Variants in UPF2 observed in about 807,000 individuals in gnomAD.
UPF2 encodes the protein UPF2 regulator of nonsense mediated mRNA decay.
In UPF2, 17 loss-of-function variants were observed where a neutral mutation model predicts 141.4. That is an observed-to-expected ratio of 0.12 (90% CI 0.08 to 0.18). The LOEUF (loss-of-function observed/expected upper bound fraction) is 0.18. UPF2 is among the 10% of genes least tolerant of loss of function. The pLI is 1.00. For missense variants in UPF2, 1,152 were observed against 1,515.9 expected, an observed-to-expected ratio of 0.76 and a Z score of 3.99; for synonymous variants, 540 against 498.0, an observed-to-expected ratio of 1.08 and a Z score of -1.12.
chr10:11,950,946 T>C (rs914003654), intron 15 of UPF2, among the ~76,000 whole-genome samples: 1 of 152,238 alleles, frequency 6.6e-6, no homozygotes, highest in Non-Finnish European at 1.5e-5. Context: ...CGTAAATTTA[T>C]ATAATTTGCA....
Position 11,971,340 on chromosome 10 carries a change from C to T in UPF2, c.1954-3886G>A, listed in dbSNP as rs191105253. 1.6e-3 allele frequency among the ~76,000 whole-genome samples: 240 copies of T among 151,958 alleles called. 1 individual carries two copies. The highest frequency in any genetic ancestry group is 5.3e-3 in the African/African-American group (219 of 41,460). On this transcript the variant is annotated intron_variant, in intron 9 of 21. Transcript: ENST00000357604. ...CGCAATCTCGGCTCACCGCAACCTC[C>T]GCCTCCCGGGTTCAAGTGATTCTCC...
rs1588537597 is a variant in UPF2 at position 11,959,690 on chromosome 10, G to A, written c.2185-334C>T. Among the ~76,000 whole-genome samples the A allele has an allele frequency of 6.6e-6, 1 of 152,086 alleles. No homozygotes were observed. Among genetic ancestry groups the A allele is most frequent in the African/African-American group, 2.4e-5 (1 of 41,414 alleles). On this transcript the variant is annotated intron_variant, in intron 11 of 21. Transcript: ENST00000357604. The surrounding 1 kb of genome is among the most constrained non-coding windows in gnomAD (Gnocchi z 5.9). ...TGGGTGGACAGCTTGAGCCCAGGAGGTGGAGGCTGCAGTAAGCCATGACTG... is the reference window on the plus strand; with the variant it reads ...TGGGTGGACAGCTTGAGCCCAGGAGATGGAGGCTGCAGTAAGCCATGACTG...
At chr10:12,042,962 GA>G, upstream of UPF2, 1 of 152,294 alleles carries the variant, frequency 6.6e-6, no homozygotes, top group Non-Finnish European at 1.5e-5. The surrounding 1 kb of genome is among the most constrained non-coding windows in gnomAD (Gnocchi z 5.5). Flanking sequence ...AGGCGAGAGG[GA>G]AAAGGCCATC....
chr10:12,035,130 T>G lies in UPF2; in HGVS notation c.294A>C (p.Gln98His). The G allele has an allele frequency of 6.3e-7, 1 of 1,599,300 alleles. No individual in the cohort carries two copies. Among genetic ancestry groups the G allele is most frequent in the South Asian group, 1.2e-5 (1 of 86,750 alleles). ...CTTCTTGCTTCTTTCTCTCTTCCTC[T>G]TGATGTTTCTTTTTTTCTTCCTCTT... Reference protein sequence around the residue: ...KKEEEEKKKHQEEERKKQEEQ... With the variant: ...KKEEEEKKKHHEEERKKQEEQ... Residue 98 changes from glutamine (Q) to histidine (H), a missense_variant, in exon 2 of 22, where the codon CAA becomes CAC. By Grantham distance (24) the Gln-to-His change is conservative (BLOSUM62 0). This residue lies in a region of UPF2 where 145 missense variants were observed against 136.5 expected (regional missense o/e 1.06). Transcript: ENST00000357604.
chr10:12,012,035 G>GT (rs1041649471), intron 4 of UPF2, among the ~76,000 whole-genome samples: 11 of 151,762 alleles, frequency 7.2e-5, no homozygotes, highest in African/African-American at 2.7e-4. Context: ...AGAGAAAAGG[G>GT]GTAAAGAAAC....
At chr10:11,957,657 C>T (rs1833174839) in intron 12 of UPF2, among the ~76,000 whole-genome samples, 3 of 151,974 alleles carry the variant, frequency 2.0e-5, no homozygotes, top group Admixed American at 1.3e-4. Context: ...GCTGGGATTA[C>T]AGGCATGCGC....
At chr10:12,022,827 C>G (rs970610949) in intron 3 of UPF2, among the ~76,000 whole-genome samples, 30 of 152,116 alleles carry the variant, frequency 2.0e-4, no homozygotes, top group Admixed American at 5.2e-4. Context: ...AATAATGCCT[C>G]AAGAATTAGC....
upstream of UPF2, chr10:12,043,036 G>A (rs945952718): frequency 6.6e-6 from 1 of 152,362 alleles, no homozygotes; most frequent in Non-Finnish European, 1.5e-5. Flanking sequence ...GATGCCCTCA[G>A]CTTGACTCTG....
chr10:12,003,782 A>G (rs1359963982), intron 5 of UPF2, among the ~76,000 whole-genome samples: 1 of 151,934 alleles, frequency 6.6e-6, no homozygotes, highest in African/African-American at 2.4e-5. Context: ...AAAATTAGCC[A>G]GGCATGGCAG....
Position 11,997,704 on chromosome 10 carries a change from C to T in UPF2, c.1812G>A (p.Leu604=). ...TAGGAACTATGAAGAGTGCCCGTAC[C>T]AACTTCTTCCTGTTTGCTTTTGTGT... ...NMNTKANRKK[L]VRALFIVPRQ... Residue 604 remains leucine, a synonymous_variant, in exon 8 of 22, where the codon TTG becomes TTA. Transcript: ENST00000357604. The T allele has an allele frequency of 1.9e-6, 3 of 1,613,790 alleles. No homozygotes were observed. Among genetic ancestry groups the T allele is most frequent in the Non-Finnish European group, 2.5e-6 (3 of 1,179,862 alleles).
At chr10:11,946,270 A>G (rs977733759) in intron 16 of UPF2, among the ~76,000 whole-genome samples, 1 of 152,228 alleles carries the variant, frequency 6.6e-6, no homozygotes, top group East Asian at 1.9e-4. Context: ...CTTTAGGGCT[A>G]AAGGAAACAC....
chr10:11,946,939 C>T (rs998964659), intron 16 of UPF2, among the ~76,000 whole-genome samples: 5 of 152,352 alleles, frequency 3.3e-5, no homozygotes, highest in East Asian at 1.9e-4. Context: ...ATGCGGCTCA[C>T]GCCTGTACTC....
rs1031303127 is a variant in UPF2, at chr10:11,981,663, A to G, written c.1845-2498T>C. The stretch of plus-strand genomic sequence containing the variant: ...ACCACTCTCTAAAGATATTACAAAA[A>G]TAAGGTGTTCTTGTAAGGTACTCTT... On this transcript the variant is annotated intron_variant, in intron 8 of 21. Transcript: ENST00000357604. 6.3e-5 allele frequency among the ~76,000 whole-genome samples: 9 copies of G among 143,594 alleles called. No homozygotes were observed. The South Asian group carries it at 9.4e-4, about 15-fold the overall frequency. 94.2% of individuals were successfully genotyped at this position (143,594 alleles called of 152,430 possible).
chr10:12,026,646 CTTTTTTTTT>C, intron 3 of UPF2: 2 of 389,674 alleles, frequency 5.1e-6, no homozygotes, highest in South Asian at 1.8e-5. Flanking sequence ...TTCCTATAAA[CTTTTTTTTT>C]TTTTTTTTTT....
chr10:11,951,306 G>A (rs1475484269), intron 15 of UPF2, among the ~76,000 whole-genome samples: 2 of 152,042 alleles, frequency 1.3e-5, no homozygotes, highest in Admixed American at 6.6e-5. Context: ...CAGGTGATCT[G>A]CCTGCCTCGG....
chr10:11,933,982 AC>A (rs1832812522), intron 19 of UPF2, among the ~76,000 whole-genome samples: 1 of 152,212 alleles, frequency 6.6e-6, no homozygotes, highest in South Asian at 2.1e-4. Context: ...GCTGCCATGT[AC>A]TGCCCTCCAC....
intron 14 of UPF2, among the ~76,000 whole-genome samples, chr10:11,954,318 A>G (rs576782736): frequency 2.0e-4 from 31 of 152,168 alleles, no homozygotes; most frequent in African/African-American, 7.5e-4. Flanking sequence ...TTTCCTCAAA[A>G]ATGATAGGTT....
chr10:12,021,224 G>A (rs1050999267), intron 3 of UPF2, among the ~76,000 whole-genome samples: 9 of 152,206 alleles, frequency 5.9e-5, no homozygotes, highest in Admixed American at 3.3e-4. Flanking sequence ...TATAGGTACT[G>A]TTAGGATCAA....
chr10:12,035,601 T>C, intron 1 of UPF2, 160 bp from the exon 2 acceptor site: 1 of 736,774 alleles, frequency 1.4e-6, no homozygotes, highest in Non-Finnish European at 2.0e-6. Flanking sequence ...AAATAAGTTA[T>C]TCATCACATT....
Sources: allele counts gnomAD v4.1 joint callset (sites outside exome capture counted in the v4.1 genomes callset), GRCh38; gene constraint gnomAD v4.1.1; regional missense constraint gnomAD v4.1.1; non-coding constraint Gnocchi (gnomAD v3.1); transcripts MANE v1.5; gene names NCBI Gene and HGNC (gene_info 2026-07-23, HGNC 2026-07-21).